ATF7IP2: variants seen among roughly 807,000 people sequenced by gnomAD.
ATF7IP2 encodes the protein activating transcription factor 7 interacting protein 2.
Under a neutral mutation model 64.2 loss-of-function variants are expected in ATF7IP2, and 42 were observed. The ratio of observed to expected loss-of-function variants is 0.65; its 90% CI spans 0.51 to 0.85. ATF7IP2 has a LOEUF of 0.85. ATF7IP2 is among the 40% of genes least tolerant of loss of function. The probability of loss-of-function intolerance (pLI) is 0.00; values close to 1 mark genes in which losing one functional copy is unlikely to be tolerated. For synonymous variants in ATF7IP2, 308 were observed against 272.8 expected, an observed-to-expected ratio of 1.13 and a Z score of -1.27; for missense variants, 933 against 784.2, an observed-to-expected ratio of 1.19 and a Z score of -2.27.
chr16:10,439,615 C>G (rs146558912), intron 7 of ATF7IP2, among the ~76,000 whole-genome samples: 8,920 of 148,364 alleles, frequency 0.06, 339 homozygotes, highest in South Asian at 0.11. Context: ...TCACTGCAAC[C>G]TCTGCCTCCC....
At chr16:10,408,822 G>T (rs2047693902) in intron 1 of ATF7IP2, among the ~76,000 whole-genome samples, 2 of 152,118 alleles carry the variant, frequency 1.3e-5, no homozygotes, top group African/African-American at 2.4e-5. Context: ...TCCTTTTTCT[G>T]TGCAGAAGCT....
chr16:10,394,248 C>A (rs186525237), intron 1 of ATF7IP2, among the ~76,000 whole-genome samples: 6 of 152,284 alleles, frequency 3.9e-5, no homozygotes, highest in Admixed American at 2.0e-4. Context: ...CGTGCCTATA[C>A]TGATTTCAGA....
At position 10,428,988 on chromosome 16, in the gene ATF7IP2, A is replaced by G. The variant is rs1330702149; in HGVS notation, c.-39A>G. The G allele has an allele frequency of 6.6e-6, 1 of 151,770 alleles. No homozygotes were observed. Among genetic ancestry groups the G allele is most frequent in the African/African-American group, 2.4e-5 (1 of 41,312 alleles). The allele number at this position is 151,770 out of a possible 1,614,324, so 9.4% of individuals were successfully genotyped here. ...TCCTGGGCTCAAGTGAACCTTTTGC[A>G]TCAGCCTCCTGAATAGCTGAGACCA... On this transcript the variant is annotated 5_prime_UTR_variant, in exon 4 of 14. Transcript: ENST00000562102.
intron 8 of ATF7IP2, among the ~76,000 whole-genome samples, chr16:10,444,041 T>C (rs143438787): frequency 9.2e-5 from 14 of 152,300 alleles, no homozygotes; most frequent in African/African-American, 3.4e-4. Context: ...GGGTGGGTTC[T>C]GTGTGTTCTA....
At chr16:10,441,601 T>C (rs1478853186) in intron 8 of ATF7IP2, among the ~76,000 whole-genome samples, 1 of 152,220 alleles carries the variant, frequency 6.6e-6, no homozygotes, top group Non-Finnish European at 1.5e-5. Flanking sequence ...ATGGGGTTGT[T>C]TTTTTCTTGT....
chr16:10,451,083 T>G (rs1013066344), intron 8 of ATF7IP2, among the ~76,000 whole-genome samples: 3 of 152,246 alleles, frequency 2.0e-5, no homozygotes, highest in African/African-American at 7.2e-5. Context: ...AAGCTTAGTT[T>G]GGCTGGATAT....
chr16:10,482,057 C>T lies in ATF7IP2; in HGVS notation c.1857C>T (p.Asn619=), dbSNP rs745679293. ...ESYHLFLCHE[N]SNNKLIWKKI... ...ACCACCTCTTCCTGTGTCATGAGAA[C>T]TCTAATAATAAGTTGATTTGGAAGA... Residue 619 remains asparagine, a synonymous_variant, in exon 14 of 14, where the codon AAC becomes AAT. Transcript: ENST00000562102. The T allele has an allele frequency of 3.1e-6, 5 of 1,613,974 alleles. No homozygotes were observed.
At chr16:10,428,019 A>G (rs2048123488) in intron 3 of ATF7IP2, among the ~76,000 whole-genome samples, 1 of 152,232 alleles carries the variant, frequency 6.6e-6, no homozygotes, top group Admixed American at 6.5e-5. Context: ...CATAACTGAA[A>G]AAACAAGTAT....
chr16:10,459,562 G>C (rs1201936845), intron 9 of ATF7IP2, among the ~76,000 whole-genome samples: 4 of 151,964 alleles, frequency 2.6e-5, no homozygotes, highest in African/African-American at 9.7e-5. Flanking sequence ...CAGGAGAATT[G>C]CTTGAACCCG....
At chr16:10,470,973 G>A (rs1191520900) in intron 9 of ATF7IP2, among the ~76,000 whole-genome samples, 1 of 151,924 alleles carries the variant, frequency 6.6e-6, no homozygotes, top group African/African-American at 2.4e-5. Context: ...AACTATAAAG[G>A]TGTAGTATTA....
intron 1 of ATF7IP2, among the ~76,000 whole-genome samples, chr16:10,394,997 T>C (rs1466872919): frequency 6.6e-6 from 1 of 151,884 alleles, no homozygotes; most frequent in Non-Finnish European, 1.5e-5. Context: ...GTGTGGAAAT[T>C]AATAGAATAG....
chr16:10,401,894 T>C (rs1196074856), intron 1 of ATF7IP2, among the ~76,000 whole-genome samples: 1 of 152,036 alleles, frequency 6.6e-6, no homozygotes, highest in Non-Finnish European at 1.5e-5. Flanking sequence ...TGTTTGTCAG[T>C]ATATAGTTGT....
intron 7 of ATF7IP2, among the ~76,000 whole-genome samples, chr16:10,439,225 T>C (rs2048525356): frequency 6.6e-6 from 1 of 152,080 alleles, no homozygotes; most frequent in Non-Finnish European, 1.5e-5. Context: ...AAGTTTGAGT[T>C]TTTTGTTTTG....
At chr16:10,461,135 A>G (rs1227866322) in intron 9 of ATF7IP2, among the ~76,000 whole-genome samples, 1 of 152,182 alleles carries the variant, frequency 6.6e-6, no homozygotes, top group Non-Finnish European at 1.5e-5. Context: ...AATTAAAACC[A>G]CAATGAGATA....
chr16:10,437,202 G>C (rs761022732), intron 6 of ATF7IP2, among the ~76,000 whole-genome samples: 1 of 151,980 alleles, frequency 6.6e-6, no homozygotes. Context: ...TGTATTTTTA[G>C]TAGAGTCGGG....
At chr16:10,470,801 G>A (rs953979378) in intron 9 of ATF7IP2, among the ~76,000 whole-genome samples, 2 of 144,908 alleles carry the variant, frequency 1.4e-5, no homozygotes, top group Admixed American at 1.4e-4. Context: ...ATATATATAT[G>A]TATATATATA....
At chr16:10,434,000 T>G (rs1596499045) in intron 6 of ATF7IP2, among the ~76,000 whole-genome samples, 1 of 152,224 alleles carries the variant, frequency 6.6e-6, no homozygotes, top group East Asian at 1.9e-4. Context: ...TCTTTTGTAC[T>G]AGTCATGGGG....
chr16:10,402,262 G>A (rs1490739425), intron 1 of ATF7IP2, among the ~76,000 whole-genome samples: 2 of 151,996 alleles, frequency 1.3e-5, no homozygotes, highest in Non-Finnish European at 2.9e-5. Flanking sequence ...TATCCCAGAA[G>A]TTTTAGTATG....
In ATF7IP2 at chr16:10,405,372, C is replaced by G. The variant is rs76228060; in HGVS notation, c.-241-9202C>G. Among the ~76,000 whole-genome samples the G allele has an allele frequency of 8.8e-4, 128 of 145,010 alleles. 1 individual carries two copies. The Middle Eastern group carries it at 0.017, about 20-fold the overall frequency. On this transcript the variant is annotated intron_variant, in intron 1 of 13. Coordinates refer to ENST00000562102, the MANE Select transcript of ATF7IP2 (RefSeq NM_001393719.1). ...GAGCAACAACAGCAAAACTCCATCT[C>G]AAAAAAAAAAAGTTAATATTCATTA...
Sources: gnomAD v4.1 joint callset for allele counts (sites outside exome capture counted in the v4.1 genomes callset) on GRCh38, gnomAD v4.1.1 for gene constraint, MANE v1.5 for transcripts, NCBI Gene and HGNC (gene_info 2026-07-23, HGNC 2026-07-21) for gene names.